The following RALGDS variants were observed in gnomAD, a reference collection of about 807,000 sequenced individuals.
RALGDS encodes the protein ral guanine nucleotide exchange factor.
RALGDS carries 44 observed loss-of-function variants against 99.8 expected under a neutral mutation model. The observed-to-expected ratio is 0.44, with a 90% CI of 0.35 to 0.57. The LOEUF is 0.57. RALGDS is among the 20% of genes least tolerant of loss of function. RALGDS has a pLI of 0.01. For synonymous variants in RALGDS, 529 were observed against 505.0 expected, an observed-to-expected ratio of 1.05 and a Z score of -0.64; for missense variants, 1,022 against 1,203.1, an observed-to-expected ratio of 0.85 and a Z score of 2.23.
intron 1 of RALGDS, chr9:133,129,063 A>C: frequency 6.9e-7 from 1 of 1,446,148 alleles, no homozygotes; most frequent in Non-Finnish European, 9.1e-7. Context: ...TGGGAAAGCA[A>C]CTCCCATGCC....
upstream of RALGDS, among the ~76,000 whole-genome samples, chr9:133,125,954 C>A (rs1832139885): frequency 6.6e-6 from 1 of 152,120 alleles, no homozygotes; most frequent in South Asian, 2.1e-4. Flanking sequence ...AGGCCGTGGG[C>A]AGCTAGAACC....
chr9:133,119,328 G>A (rs544106329), intron 1 of RALGDS, among the ~76,000 whole-genome samples: 104 of 151,980 alleles, frequency 6.8e-4, no homozygotes, highest in Admixed American at 1.3e-3. Flanking sequence ...TTGGGCCCTT[G>A]GTAAATGGTC....
intron 1 of RALGDS, among the ~76,000 whole-genome samples, chr9:133,139,645 C>G (rs1048375604): frequency 6.6e-6 from 1 of 152,128 alleles, no homozygotes. Context: ...TCCTCGGGGC[C>G]GTAGTTCCCC....
intron 1 of RALGDS, among the ~76,000 whole-genome samples, chr9:133,119,855 G>A (rs113644992): frequency 2.6e-5 from 4 of 152,090 alleles, no homozygotes; most frequent in Admixed American, 6.5e-5. Flanking sequence ...GAAACAAGTC[G>A]CATCCAGGCC....
intron 1 of RALGDS, among the ~76,000 whole-genome samples, chr9:133,143,177 C>T (rs1437701759): frequency 6.6e-6 from 1 of 152,222 alleles, no homozygotes; most frequent in Non-Finnish European, 1.5e-5. Context: ...ACTGACCACG[C>T]CACTGATGGC....
At chr9:133,134,332 C>G (rs2519199), upstream of RALGDS, among the ~76,000 whole-genome samples, 90,931 of 152,060 alleles carry the variant, frequency 0.6, 27,221 homozygotes, top group Admixed American at 0.66. Context: ...AGAAGCCTGG[C>G]AGGCAGGATC....
upstream of RALGDS, among the ~76,000 whole-genome samples, chr9:133,132,130 G>A (rs1832344953): frequency 6.6e-6 from 1 of 152,266 alleles, no homozygotes. Context: ...AGTGTGGCTT[G>A]TAACTGGATC....
In RALGDS at chr9:133,129,374, G is replaced by A; in HGVS notation, c.132+1578C>T. 3.4e-6 allele frequency: 5 copies of A among 1,491,070 alleles called. No individual in the cohort carries two copies. The South Asian group carries it at 5.1e-5, about 15-fold the overall frequency. The allele number at this position is 1,491,070 out of a possible 1,614,324, so 92.4% of individuals were successfully genotyped here. A position where few individuals can be genotyped will look rare whatever the true frequency, so the allele number is the denominator to read the frequency against. ...CCTGCGGGAGGCCCTCTGCCAGTGT[G>A]CTCGTCGCCTGCGTGCCCTAGTGGA... On this transcript the variant is annotated intron_variant, in intron 1 of 17. Coordinates refer to the RALGDS transcript ENST00000372062.
At position 133,108,179 on chromosome 9, in the gene RALGDS, C is replaced by G; in HGVS notation, c.1006G>C (p.Glu336Gln). Reference sequence around the variant, plus strand: ...GCTGGATCCTGTTCTGGAGCTGGCTCTAGTTCCAGAGCTGGCGCTGGAGCC... The same window carrying G: ...GCTGGATCCTGTTCTGGAGCTGGCTGTAGTTCCAGAGCTGGCGCTGGAGCC... ...ESAPAPALEL[E>Q]PAPEQDPAPS... Residue 336 changes from glutamate (E) to glutamine (Q), a missense_variant, in exon 6 of 18, where the codon GAG (glutamate) becomes CAG (glutamine). Glu to Gln is a conservative substitution (Grantham distance 29). Around this residue, in one of 3 missense-constraint regions of RALGDS, gnomAD observed 825 missense variants for 994.5 expected, o/e 0.83. Coordinates refer to ENST00000372050, the MANE Select transcript of RALGDS (RefSeq NM_006266.4). 1 of 1,613,494 alleles carries G rather than the reference C, an allele frequency of 6.2e-7. No homozygotes were observed. Among genetic ancestry groups the G allele is most frequent in the African/African-American group, 1.3e-5 (1 of 74,990 alleles).
At chr9:133,103,418 C>A (rs117986321) in intron 11 of RALGDS, among the ~76,000 whole-genome samples, 156 bp from the exon 12 acceptor site, 1 of 152,268 alleles carries the variant, frequency 6.6e-6, no homozygotes, top group East Asian at 1.9e-4. Context: ...AGGGGACATG[C>A]GGGCAGAGGC....
chr9:133,107,905 T>C, intron 6 of RALGDS, 83 bp downstream of exon 6: 2 of 1,540,426 alleles, frequency 1.3e-6, no homozygotes, highest in Non-Finnish European at 1.8e-6. Context: ...ACATCAGCTC[T>C]GGATCAGCAA....
In RALGDS at chr9:133,099,019, A is replaced by T. The variant is rs1830624141; in HGVS notation, c.2570-257T>A. ...ACCCCCCGGCTTGGCCTGAGCTGGC[A>T]GAGGGTCACCCCGTCCTGCCCATAC... On this transcript the variant is annotated intron_variant, in intron 17 of 17. Coordinates refer to ENST00000372050, the MANE Select transcript of RALGDS (RefSeq NM_006266.4). 1.6e-5 allele frequency: 8 copies of T among 493,594 alleles called. No homozygotes were observed. The South Asian group carries it at 1.7e-4, about 10-fold the overall frequency. 30.6% of individuals were successfully genotyped at this position (493,594 alleles called of 1,614,324 possible). A position where few individuals can be genotyped will look rare whatever the true frequency, so the allele number is the denominator to read the frequency against.
chr9:133,141,933 A>C (rs1211949119), intron 1 of RALGDS, among the ~76,000 whole-genome samples: 1 of 152,232 alleles, frequency 6.6e-6, no homozygotes, highest in Non-Finnish European at 1.5e-5. Flanking sequence ...ATCCAGCCCC[A>C]GGCCAGGGAG....
chr9:133,148,948 A>G, intron 1 of RALGDS: 2 of 1,601,500 alleles, frequency 1.2e-6, no homozygotes, highest in South Asian at 1.1e-5. Flanking sequence ...GAGGCTGGGG[A>G]CGGCGCGCAC....
At chr9:133,098,981 G>A (rs1190153056) in intron 17 of RALGDS, 6 of 564,048 alleles carry the variant, frequency 1.1e-5, no homozygotes, top group Non-Finnish European at 1.9e-5. Flanking sequence ...TTTAAACAGG[G>A]ACTGACTCCA....
At chr9:133,139,774 G>A (rs639257) in intron 1 of RALGDS, among the ~76,000 whole-genome samples, 43,834 of 152,186 alleles carry the variant, frequency 0.29, 7,229 homozygotes, top group East Asian at 0.54. Context: ...TCCCTTCTGC[G>A]AAGCGGAGCA....
chr9:133,101,895 G>A (rs892465043), intron 15 of RALGDS, 43 bp downstream of exon 15: 2 of 1,550,964 alleles, frequency 1.3e-6, no homozygotes, highest in Non-Finnish European at 1.7e-6. Context: ...GATTTGGAGT[G>A]GGGAGATGGG....
intron 1 of RALGDS, among the ~76,000 whole-genome samples, chr9:133,127,852 C>T (rs917507612): frequency 5.9e-5 from 9 of 152,232 alleles, no homozygotes; most frequent in Middle Eastern, 3.2e-3. Flanking sequence ...GTGACAGCAA[C>T]CCTCTGACCT....
rs529777229 is a variant in RALGDS at position 133,102,320 on chromosome 9, C to T, written c.2009+156G>A. Among the ~76,000 whole-genome samples, 4 of 152,152 alleles carry T rather than the reference C, an allele frequency of 2.6e-5. No individual in the cohort carries two copies. The South Asian group carries it at 8.3e-4, about 31-fold the overall frequency. ...CATTTCACAGAGGAGGAAACTGAGG[C>T]CCAAAAAGGTGAGGGGACTCATCCC... On this transcript the variant is annotated intron_variant, in intron 14 of 17. Transcript: ENST00000372050.
Sources: allele counts gnomAD v4.1 joint callset (sites outside exome capture counted in the v4.1 genomes callset), GRCh38; gene constraint gnomAD v4.1.1; regional missense constraint gnomAD v4.1.1; transcripts MANE v1.5; gene names NCBI Gene and HGNC (gene_info 2026-07-23, HGNC 2026-07-21).